AFF2: variants seen among roughly 807,000 people sequenced by gnomAD.
AFF2 encodes ALF transcription elongation factor 2.
AFF2 carries 14 observed loss-of-function variants against 76.9 expected under a neutral mutation model. That is an observed-to-expected ratio of 0.18 (90% CI 0.12 to 0.28). AFF2 has a LOEUF of 0.28. AFF2 is among the 10% of genes least tolerant of loss of function. AFF2 has a pLI of 1.00. For missense variants in AFF2, 868 were observed against 1,001.1 expected, an observed-to-expected ratio of 0.87 and a Z score of 1.79; for synonymous variants, 398 against 366.7, an observed-to-expected ratio of 1.09 and a Z score of -0.98.
chrX:148,575,681 T>C (rs1214512423), intron 1 of AFF2, among the ~76,000 whole-genome samples: 1 of 110,516 alleles, frequency 9.0e-6, no homozygotes, highest in African/African-American at 3.3e-5. Context: ...TAAATCTCTC[T>C]AAATTGCTCA....
At chrX:148,888,582 C>T (rs1459905295) in intron 8 of AFF2, among the ~76,000 whole-genome samples, 1 of 111,637 alleles carries the variant, frequency 9.0e-6, no homozygotes, top group African/African-American at 3.3e-5. Context: ...AGAGGAATCA[C>T]CAAAATCATT....
chrX:148,574,945 T>G (rs1397522925), intron 1 of AFF2, among the ~76,000 whole-genome samples: 15 of 16,749 alleles, frequency 9.0e-4, no homozygotes, highest in South Asian at 6.9e-3. Flanking sequence ...AGTGCTGGGG[T>G]GTGTGTGTGT....
At chrX:148,915,986 C>T (rs1046452217) in intron 9 of AFF2, among the ~76,000 whole-genome samples, 37 of 111,057 alleles carry the variant, frequency 3.3e-4, no homozygotes, top group African/African-American at 1.2e-3. Context: ...TGTGATGGAA[C>T]TAGAAAAAGC....
chrX:148,846,464 C>A (rs1282329272), intron 7 of AFF2, among the ~76,000 whole-genome samples: 1 of 112,231 alleles, frequency 8.9e-6, no homozygotes, highest in Non-Finnish European at 1.9e-5. Flanking sequence ...TCTACACATG[C>A]AGGTACACCA....
intron 3 of AFF2, among the ~76,000 whole-genome samples, chrX:148,760,675 G>A (rs991306993): frequency 1.8e-5 from 2 of 112,064 alleles, no homozygotes; most frequent in Non-Finnish European, 1.9e-5. Flanking sequence ...GGAAATTTCC[G>A]TTGTGTAAAA....
chrX:148,939,931 G>A (rs1260696117), intron 9 of AFF2, among the ~76,000 whole-genome samples: 2 of 112,024 alleles, frequency 1.8e-5, no homozygotes, highest in Admixed American at 1.9e-4. Context: ...TTGAATTTAG[G>A]CACAGTTACC....
At chrX:148,601,766 A>G (rs2053629414) in intron 1 of AFF2, among the ~76,000 whole-genome samples, 1 of 111,985 alleles carries the variant, frequency 8.9e-6, no homozygotes, top group Non-Finnish European at 1.9e-5. Flanking sequence ...TCAATATTTT[A>G]ATATCCCAGC....
intron 3 of AFF2, among the ~76,000 whole-genome samples, chrX:148,666,724 T>C (rs1200137998): frequency 1.8e-5 from 2 of 112,015 alleles, no homozygotes; most frequent in Non-Finnish European, 3.8e-5. Flanking sequence ...AAGAATTTTC[T>C]CGGAACTGCA....
intron 13 of AFF2, among the ~76,000 whole-genome samples, chrX:148,963,898 A>C (rs144981002): frequency 0.014 from 1,582 of 112,046 alleles, 41 homozygotes; most frequent in African/African-American, 0.049. Flanking sequence ...GTTGAAAAAA[A>C]ATCTTTATTT....
chrX:148,943,735 A>G (rs2071867837), intron 9 of AFF2, among the ~76,000 whole-genome samples: 1 of 112,239 alleles, frequency 8.9e-6, no homozygotes, highest in South Asian at 3.7e-4. Flanking sequence ...AAGGCAGAGG[A>G]TATGTCTGTG....
chrX:148,917,302 G>T, intron 9 of AFF2, among the ~76,000 whole-genome samples: 1 of 111,961 alleles, frequency 8.9e-6, no homozygotes, highest in East Asian at 2.8e-4. Flanking sequence ...GCCTCCCTAT[G>T]AATGGGGGTT....
intron 4 of AFF2, among the ~76,000 whole-genome samples, chrX:148,816,448 A>C (rs782699840): frequency 3.6e-5 from 4 of 111,854 alleles, no homozygotes; most frequent in South Asian, 3.7e-4. Flanking sequence ...TATTTTGTGA[A>C]GGTCAAACAG....
chrX:148,973,725 A>G, intron 16 of AFF2, 118 bp downstream of exon 16: 1 of 766,315 alleles, frequency 1.3e-6, no homozygotes, highest in South Asian at 3.9e-5. Flanking sequence ...TCCTCTTAGA[A>G]GTCATCATAA....
At chrX:148,727,190 CA>C (rs1451693191) in intron 3 of AFF2, among the ~76,000 whole-genome samples, 4 of 110,637 alleles carry the variant, frequency 3.6e-5, no homozygotes, top group African/African-American at 1.3e-4. Flanking sequence ...TTAAGATGGA[CA>C]AATTTTTTTT....
chrX:148,661,880 T>C (rs781926138), intron 2 of AFF2, 28 bp from the exon 3 acceptor site: 2 of 1,168,174 alleles, frequency 1.7e-6, no homozygotes, highest in South Asian at 4.0e-5. Context: ...TTCTCTCTCC[T>C]CCCACCCCCA....
At chrX:148,887,417 G>C (rs1275737388) in intron 8 of AFF2, among the ~76,000 whole-genome samples, 2 of 112,397 alleles carry the variant, frequency 1.8e-5, no homozygotes, top group African/African-American at 3.2e-5. Context: ...CATTGATTTT[G>C]ACAGATAAAA....
intron 3 of AFF2, among the ~76,000 whole-genome samples, chrX:148,696,369 A>G (rs1383958858): frequency 2.7e-5 from 3 of 110,738 alleles, no homozygotes; most frequent in Non-Finnish European, 3.8e-5. Context: ...TAATGGGTGC[A>G]GCACACCAAC....
At chrX:148,661,766 G>A in intron 2 of AFF2, 142 bp from the exon 3 acceptor site, 1 of 660,796 alleles carries the variant, frequency 1.5e-6, no homozygotes. Context: ...CACATGAAAA[G>A]CATGAAATTA....
chrX:148,703,333 T>C (rs1557262033), intron 3 of AFF2, among the ~76,000 whole-genome samples: 1 of 112,156 alleles, frequency 8.9e-6, no homozygotes, highest in African/African-American at 3.2e-5. Context: ...TTTGTTTTCT[T>C]TTTCTAAATC....
Sources: gnomAD v4.1 joint callset for allele counts (sites outside exome capture counted in the v4.1 genomes callset) on GRCh38, gnomAD v4.1.1 for gene constraint, MANE v1.5 for transcripts, NCBI Gene and HGNC (gene_info 2026-07-23, HGNC 2026-07-21) for gene names.